DNAJC13: variants seen among roughly 807,000 people sequenced by gnomAD.
The protein encoded by DNAJC13 is dnaJ homolog subfamily C member 13.
Under a neutral mutation model 290.5 loss-of-function variants are expected in DNAJC13, and 75 were observed. That is an observed-to-expected ratio of 0.26 (90% CI 0.21 to 0.31). The LOEUF (loss-of-function observed/expected upper bound fraction) is 0.31, where lower values mean the gene tolerates loss of function less well. DNAJC13 is among the 10% of genes least tolerant of loss of function. The pLI is 1.00. For missense variants in DNAJC13, 2,260 were observed against 2,674.5 expected (o/e 0.85, Z 3.42); for synonymous variants, 862 against 892.0 (o/e 0.97, Z 0.60).
chr3:132,462,576 T>G (rs1463551037), intron 16 of DNAJC13, 53 bp downstream of exon 16: 1 of 1,311,162 alleles, frequency 7.6e-7, no homozygotes, highest in African/African-American at 1.5e-5. Flanking sequence ...ATAGGCTGTT[T>G]TAATTGAAGT....
At chr3:132,427,600 A>AT (rs1939133602) in intron 1 of DNAJC13, among the ~76,000 whole-genome samples, 2 of 152,202 alleles carry the variant, frequency 1.3e-5, no homozygotes, top group African/African-American at 4.8e-5. Flanking sequence ...GTGAATGCTG[A>AT]TTAAATCAAT....
At chr3:132,528,446 C>A in intron 54 of DNAJC13, 114 bp downstream of exon 54, 5 of 1,318,350 alleles carry the variant, frequency 3.8e-6, no homozygotes, top group Non-Finnish European at 4.1e-6. Flanking sequence ...TTGGTTGTAA[C>A]TGGAGAAGAT....
chr3:132,520,603 T>C (rs1184344916), intron 48 of DNAJC13, among the ~76,000 whole-genome samples: 1 of 152,240 alleles, frequency 6.6e-6, no homozygotes, highest in Non-Finnish European at 1.5e-5. Context: ...AGGAAGAGAC[T>C]TTTGATTTTG....
At position 132,472,181 on chromosome 3, in the gene DNAJC13, C is replaced by T. The variant is rs1265279658; in HGVS notation, c.2209-964C>T. On this transcript the variant is annotated intron_variant, in intron 20 of 55. Coordinates refer to ENST00000260818, the MANE Select transcript of DNAJC13 (RefSeq NM_015268.4). The stretch of plus-strand genomic sequence containing the variant: ...GGGAGGTTGCAGTGAGCCGAGATGG[C>T]AGCAGTACAGTCCAGCTTCGGCTCC... Among the ~76,000 whole-genome samples the T allele has an allele frequency of 2.0e-5, 3 of 151,338 alleles. No homozygotes were observed. In the East Asian group the frequency reaches 5.9e-4, roughly 30 times the overall value.
At chr3:132,480,759 T>C (rs1477361309) in intron 26 of DNAJC13, among the ~76,000 whole-genome samples, 3 of 152,220 alleles carry the variant, frequency 2.0e-5, no homozygotes, top group East Asian at 3.8e-4. Context: ...TCATTAGATA[T>C]GTAAATAGTA....
intron 8 of DNAJC13, 148 bp downstream of exon 8, chr3:132,453,842 A>G (rs902858399): frequency 6.7e-5 from 51 of 755,802 alleles, no homozygotes; most frequent in Non-Finnish European, 3.0e-5. Context: ...ATATTAATTG[A>G]TCATAGAACA....
intron 20 of DNAJC13, among the ~76,000 whole-genome samples, chr3:132,471,969 T>C (rs1290393711): frequency 6.9e-6 from 1 of 145,658 alleles, no homozygotes; most frequent in African/African-American, 2.5e-5. Flanking sequence ...GAGCACTGAG[T>C]GAACGAGACT....
At chr3:132,510,345 T>G (rs1202687574) in intron 43 of DNAJC13, among the ~76,000 whole-genome samples, 1 of 152,172 alleles carries the variant, frequency 6.6e-6, no homozygotes, top group Admixed American at 6.5e-5. Flanking sequence ...CTGAGGAGCT[T>G]CTTCTGAGTG....
At chr3:132,502,614 A>G in intron 40 of DNAJC13, 146 bp downstream of exon 40, 1 of 677,346 alleles carries the variant, frequency 1.5e-6, no homozygotes, top group Middle Eastern at 4.5e-4. Flanking sequence ...AAACCTAATC[A>G]CTTACTTACA....
Position 132,479,240 on chromosome 3 carries a change from T to G in DNAJC13, c.2723T>G (p.Leu908Arg). The G allele has an allele frequency of 6.2e-7, 1 of 1,607,932 alleles. No individual in the cohort carries two copies. Among genetic ancestry groups the G allele is most frequent in the East Asian group, 2.2e-5 (1 of 44,678 alleles). Residue 908 changes from leucine (L) to arginine (R), a missense_variant, in exon 25 of 56, where the codon CTT becomes CGT. Leu to Arg is a moderately radical substitution (Grantham distance 102). This residue lies in a region of DNAJC13 where 1,494 missense variants were observed against 1,693.7 expected (regional missense o/e 0.88). Transcript: ENST00000260818. ...TTATTTCAATAGTGCACAGATAAACTTGAACGAGATAGGTTGATTCTCTTC... is the reference window on the plus strand; with the variant it reads ...TTATTTCAATAGTGCACAGATAAACGTGAACGAGATAGGTTGATTCTCTTC... ...IGMLERCTDK[L>R]ERDRLILFLN...
chr3:132,486,670 T>C (rs926204017), intron 29 of DNAJC13, among the ~76,000 whole-genome samples: 7 of 152,210 alleles, frequency 4.6e-5, no homozygotes, highest in African/African-American at 1.7e-4. Context: ...CTGGGAGACC[T>C]GAATCATGCC....
intron 20 of DNAJC13, among the ~76,000 whole-genome samples, chr3:132,471,283 G>A (rs556045173): frequency 7.1e-6 from 1 of 141,142 alleles, no homozygotes; most frequent in South Asian, 2.3e-4. Context: ...ACGGCTGGCC[G>A]GTCGGGGGGG....
chr3:132,520,983 T>A (rs1218283084), intron 48 of DNAJC13, among the ~76,000 whole-genome samples: 1 of 152,212 alleles, frequency 6.6e-6, no homozygotes, highest in Non-Finnish European at 1.5e-5. Context: ...TAAATACTAG[T>A]CTATAATGAA....
chr3:132,538,200 C>A lies in DNAJC13; in HGVS notation c.6650C>A (p.Thr2217Asn). The change falls in exon 56 of 56, where the codon ACC (threonine) becomes AAC (asparagine). Residue 2217 changes from threonine (T) to asparagine (N), a missense_variant. Physicochemically the swap from Thr to Asn is moderately conservative, Grantham distance 65. Transcript: ENST00000260818. ...LTGPGVAGYL[T>N]AGTSTSVMSN... The stretch of plus-strand genomic sequence containing the variant: ...GGACCTGGAGTTGCTGGCTACCTTA[C>A]CGCAGGTACATCTACATCAGTCATG... 6.2e-7 allele frequency: 1 copy of A among 1,613,850 alleles called. No homozygotes were observed. The highest frequency in any genetic ancestry group is 8.5e-7 in the Non-Finnish European group (1 of 1,179,920).
chr3:132,461,350 T>A, intron 15 of DNAJC13, 145 bp downstream of exon 15: 1 of 815,784 alleles, frequency 1.2e-6, no homozygotes, highest in Non-Finnish European at 2.0e-6. Flanking sequence ...GAAAGAAGAG[T>A]TGTCTTGGGC....
chr3:132,466,004 TAG>T lies in DNAJC13; in HGVS notation c.1904_1905del (p.Arg635ThrfsTer9). ...CGTCTGCTTTTTTCAGACAGCTAAG[TAG>T]ACATTTAGTGGGACTCTGGACAGCT... is the stretch of plus-strand genomic sequence containing the variant. ...QRMLTNRQLS[R>X]HLVGLWTADN... is the part of the protein sequence containing the mutation. On this transcript the variant is annotated frameshift_variant, in exon 18 of 56. Transcript: ENST00000260818. LOFTEE classifies it high-confidence loss of function. 1.2e-6 allele frequency: 2 copies of T among 1,613,758 alleles called. No homozygotes were observed. The highest frequency in any genetic ancestry group is 1.7e-6 in the Non-Finnish European group (2 of 1,179,676).
chr3:132,491,551 G>A (rs961119389), intron 32 of DNAJC13, among the ~76,000 whole-genome samples: 13 of 152,072 alleles, frequency 8.5e-5, no homozygotes, highest in African/African-American at 3.1e-4. Context: ...GCATTCCTAA[G>A]GTATGTCTTT....
At position 132,441,848 on chromosome 3, in the gene DNAJC13, T is replaced by G. The variant is rs183693573; in HGVS notation, c.69-4627T>G. On this transcript the variant is annotated intron_variant, in intron 2 of 55. Transcript: ENST00000260818. ...TCTTAGCTCTTATTACTTTGAAGTTTATTTCAGATGTTTGAATTAGATAAC... is the reference window on the plus strand; with the variant it reads ...TCTTAGCTCTTATTACTTTGAAGTTGATTTCAGATGTTTGAATTAGATAAC... Among the ~76,000 whole-genome samples the G allele has an allele frequency of 1.5e-3, 226 of 152,274 alleles. 2 individuals carry two copies. The highest frequency in any genetic ancestry group is 5.2e-3 in the African/African-American group (215 of 41,550).
intron 51 of DNAJC13, among the ~76,000 whole-genome samples, chr3:132,525,028 T>C (rs1389269304): frequency 6.6e-6 from 1 of 152,154 alleles, no homozygotes; most frequent in Admixed American, 6.5e-5. Flanking sequence ...GTAATATCAT[T>C]TGGGACATGA....
Sources: gnomAD v4.1 joint callset for allele counts (sites outside exome capture counted in the v4.1 genomes callset) on GRCh38, gnomAD v4.1.1 for gene constraint, gnomAD v4.1.1 regional missense constraint, MANE v1.5 for transcripts, NCBI Gene and HGNC (gene_info 2026-07-23, HGNC 2026-07-21) for gene names.